Variants in HCFC2 observed in about 807,000 individuals in gnomAD.
HCFC2 encodes host cell factor C2.
In HCFC2, 18 loss-of-function variants were observed where a neutral mutation model predicts 89.2. That is an observed-to-expected ratio of 0.20 (90% CI 0.14 to 0.30). HCFC2 has a LOEUF of 0.30. Among genes scored for constraint, HCFC2 ranks in the 10% least tolerant of loss-of-function variants. The pLI, the probability that HCFC2 is intolerant of heterozygous loss-of-function variation, is 1.00. For missense variants in HCFC2, 578 were observed against 956.1 expected (o/e 0.60, Z 5.21); for synonymous variants, 308 against 335.7 (o/e 0.92, Z 0.90).
At chr12:104,099,028 G>A (rs1169742878) in intron 13 of HCFC2, among the ~76,000 whole-genome samples, 1 of 151,968 alleles carries the variant, frequency 6.6e-6, no homozygotes, top group Non-Finnish European at 1.5e-5. Flanking sequence ...AAATATCTGA[G>A]ACTGGATGGC....
At chr12:104,074,005 C>T (rs138531221) in intron 3 of HCFC2, among the ~76,000 whole-genome samples, 61 of 152,290 alleles carry the variant, frequency 4.0e-4, no homozygotes, top group African/African-American at 1.3e-3. Context: ...TATTTACTAT[C>T]GGACCCTTTA....
chr12:104,071,224 C>T (rs1883317187), intron 3 of HCFC2, among the ~76,000 whole-genome samples: 1 of 152,332 alleles, frequency 6.6e-6, no homozygotes, highest in Non-Finnish European at 1.5e-5. Context: ...ACAGCACTAT[C>T]CCCCAACATA....
Position 104,066,220 on chromosome 12 carries a change from G to A in HCFC2, c.217G>A (p.Ala73Thr), listed in dbSNP as rs1237425648. 1 of 1,613,398 alleles carries A rather than the reference G, an allele frequency of 6.2e-7. No homozygotes were observed. Among genetic ancestry groups the A allele is most frequent in the South Asian group, 1.1e-5 (1 of 90,916 alleles). ...AVRGDIPPGC[A>T]AHGFVCDGTR... ...TAGAGGAGATATCCCTCCAGGCTGT[G>A]CTGCCCATGGATTTGTCTGTGATGG... Residue 73 changes from alanine (A) to threonine (T), a missense_variant, in exon 2 of 15, where the codon GCT becomes ACT. Ala to Thr is a moderately conservative substitution (Grantham distance 58). Around this residue, in one of 4 missense-constraint regions of HCFC2, gnomAD observed 206 missense variants for 419.2 expected, o/e 0.49. Coordinates refer to ENST00000229330, the MANE Select transcript of HCFC2 (RefSeq NM_013320.3).
intron 3 of HCFC2, among the ~76,000 whole-genome samples, chr12:104,069,975 T>C (rs1310932254): frequency 6.6e-6 from 1 of 152,156 alleles, no homozygotes; most frequent in Non-Finnish European, 1.5e-5. Context: ...CTGTGTTAGT[T>C]TGCTGAGAAT....
At chr12:104,089,683 A>C (rs1020926943) in intron 9 of HCFC2, among the ~76,000 whole-genome samples, 3 of 152,102 alleles carry the variant, frequency 2.0e-5, no homozygotes, top group Non-Finnish European at 4.4e-5. Context: ...CACATCCTTC[A>C]CATATTTTTA....
intron 4 of HCFC2, 109 bp downstream of exon 4, chr12:104,079,762 C>T (rs1883623073): frequency 2.5e-6 from 2 of 803,204 alleles, no homozygotes; most frequent in Non-Finnish European, 4.1e-6. Context: ...ATAACCAGCA[C>T]TTGTAGCCCC....
At chr12:104,087,350 CT>C (rs1315881929) in intron 8 of HCFC2, among the ~76,000 whole-genome samples, 4 of 44,148 alleles carry the variant, frequency 9.1e-5, no homozygotes, top group African/African-American at 2.1e-4. Flanking sequence ...AAGACTCTGT[CT>C]TAAAAAAAAA....
chr12:104,089,816 C>G (rs546059702), intron 9 of HCFC2, among the ~76,000 whole-genome samples: 135 of 152,282 alleles, frequency 8.9e-4, no homozygotes, highest in African/African-American at 3.1e-3. Context: ...AACGGCCTCA[C>G]TTTTTCACTT....
chr12:104,075,861 C>A (rs1279222943), intron 3 of HCFC2, among the ~76,000 whole-genome samples: 2 of 152,018 alleles, frequency 1.3e-5, no homozygotes, highest in Non-Finnish European at 2.9e-5. Context: ...GTGATTATAT[C>A]TTTGGCCGTA....
intron 3 of HCFC2, among the ~76,000 whole-genome samples, chr12:104,078,829 A>G (rs1020137377): frequency 6.6e-6 from 1 of 152,182 alleles, no homozygotes; most frequent in Non-Finnish European, 1.5e-5. Flanking sequence ...GAAGGCTTGA[A>G]GGGGTTACTT....
At chr12:104,089,242 G>A (rs552361737) in intron 9 of HCFC2, among the ~76,000 whole-genome samples, 67 of 152,328 alleles carry the variant, frequency 4.4e-4, no homozygotes, top group African/African-American at 1.6e-3. Flanking sequence ...GCCAGGCGTG[G>A]TGGCTCACAC....
chr12:104,069,023 C>G (rs1368558009), intron 3 of HCFC2, among the ~76,000 whole-genome samples: 2 of 152,032 alleles, frequency 1.3e-5, no homozygotes, highest in African/African-American at 2.4e-5. Context: ...GCTGTAGTCA[C>G]CACCAGGCGT....
chr12:104,092,381 G>A (rs1884045730), intron 9 of HCFC2, among the ~76,000 whole-genome samples: 1 of 152,108 alleles, frequency 6.6e-6, no homozygotes, highest in African/African-American at 2.4e-5. Flanking sequence ...CAGGAGGATT[G>A]CTTGGCAGGC....
intron 3 of HCFC2, among the ~76,000 whole-genome samples, chr12:104,075,602 G>A (rs1235799523): frequency 6.6e-6 from 1 of 151,986 alleles, no homozygotes; most frequent in Non-Finnish European, 1.5e-5. Flanking sequence ...AGGACTAGAG[G>A]CACATGCAGC....
rs1437663441 is a variant in HCFC2 at position 104,082,755 on chromosome 12, A to T, written c.917A>T (p.Asp306Val). The T allele has an allele frequency of 1.9e-6, 3 of 1,613,742 alleles. No homozygotes were observed. The highest frequency in any genetic ancestry group is 2.5e-6 in the Non-Finnish European group (3 of 1,179,922). ...WTTLVSDSQE[D>V]KKNSRPRPRA... ...ACCCTAGTATCAGATTCTCAGGAAG[A>T]TAAAAAAAATTCAAGACCAAGACCA... Residue 306 changes from aspartate to valine, a missense_variant, in exon 7 of 15, where the codon GAT becomes GTT. Physicochemically the swap from Asp to Val is radical, Grantham distance 152. Transcript: ENST00000229330.
intron 1 of HCFC2, among the ~76,000 whole-genome samples, chr12:104,065,880 C>T (rs1883106364): frequency 6.6e-6 from 1 of 152,146 alleles, no homozygotes; most frequent in South Asian, 2.1e-4. Context: ...GCAGCACTCT[C>T]GACCTTTTGG....
chr12:104,066,355 A>G (rs765417157), intron 2 of HCFC2, 40 bp downstream of exon 2: 1 of 1,447,518 alleles, frequency 6.9e-7, no homozygotes, highest in Non-Finnish European at 9.4e-7. Flanking sequence ...AGGCTTTAAT[A>G]ATGATATTGT....
intron 13 of HCFC2, among the ~76,000 whole-genome samples, chr12:104,099,145 C>A (rs1231421398): frequency 6.6e-6 from 1 of 152,108 alleles, no homozygotes; most frequent in African/African-American, 2.4e-5. Flanking sequence ...GGAAAGCAGG[C>A]ATGTCTTACA....
At chr12:104,072,873 T>A (rs1883369472) in intron 3 of HCFC2, among the ~76,000 whole-genome samples, 1 of 152,026 alleles carries the variant, frequency 6.6e-6, no homozygotes, top group Non-Finnish European at 1.5e-5. Flanking sequence ...CTCGATCTCC[T>A]GACCTCGTGA....
Sources: gnomAD v4.1 joint callset for allele counts (sites outside exome capture counted in the v4.1 genomes callset) on GRCh38, gnomAD v4.1.1 for gene constraint, gnomAD v4.1.1 regional missense constraint, MANE v1.5 for transcripts, NCBI Gene and HGNC (gene_info 2026-07-23, HGNC 2026-07-21) for gene names.